The following QKI variants were observed in gnomAD, a reference collection of about 807,000 sequenced individuals.
The protein encoded by QKI is KH domain-containing RNA-binding protein QKI.
QKI carries 10 observed loss-of-function variants against 39.0 expected under a neutral mutation model. The observed-to-expected ratio is 0.26, with a 90% CI of 0.16 to 0.43. The LOEUF (loss-of-function observed/expected upper bound fraction) is 0.43. Ranked by LOEUF, QKI falls within the 20% of genes least tolerant of loss-of-function variation. The pLI is 1.00. For synonymous variants in QKI, 204 were observed against 155.4 expected (o/e 1.31, Z -2.33); for missense variants, 218 against 428.0 (o/e 0.51, Z 4.33).
intron 3 of QKI, among the ~76,000 whole-genome samples, chr6:163,520,739 G>A (rs1043489698): frequency 1.8e-4 from 28 of 152,156 alleles, no homozygotes; most frequent in African/African-American, 5.3e-4. Context: ...CCCAAAGGAA[G>A]TGAAAATAAT....
chr6:163,550,907 A>G (rs78995887), intron 4 of QKI, among the ~76,000 whole-genome samples: 2,410 of 150,568 alleles, frequency 0.016, 69 homozygotes, highest in African/African-American at 0.056. Flanking sequence ...AGATCGTGTC[A>G]CTGCACTTCT....
At chr6:163,431,653 T>TAA (rs1329976129) in intron 1 of QKI, among the ~76,000 whole-genome samples, 1 of 152,136 alleles carries the variant, frequency 6.6e-6, no homozygotes, top group Non-Finnish European at 1.5e-5. Flanking sequence ...TCTGTGAACT[T>TAA]AGATTTTAAT....
chr6:163,555,646 A>T (rs1782545027), intron 4 of QKI, among the ~76,000 whole-genome samples: 1 of 152,168 alleles, frequency 6.6e-6, no homozygotes, highest in Admixed American at 6.5e-5. Context: ...TTGTGGACAG[A>T]TGATTTTGAC....
At chr6:163,541,909 A>G (rs955191957) in intron 4 of QKI, among the ~76,000 whole-genome samples, 2 of 151,958 alleles carry the variant, frequency 1.3e-5, no homozygotes, top group Non-Finnish European at 2.9e-5. Flanking sequence ...TTATGTGGAC[A>G]TGAAAGGCGC....
At chr6:163,442,055 A>G (rs1199461306) in intron 1 of QKI, among the ~76,000 whole-genome samples, 2 of 152,208 alleles carry the variant, frequency 1.3e-5, no homozygotes, top group Non-Finnish European at 2.9e-5. Flanking sequence ...TGCCATTTTC[A>G]CCACCATTTA....
intron 7 of QKI, chr6:163,569,576 TAAGG>T: frequency 1.8e-6 from 2 of 1,128,414 alleles, no homozygotes; most frequent in Non-Finnish European, 2.2e-6. Flanking sequence ...AAAGGTTGAT[TAAGG>T]AAGGAACAAC....
chr6:163,502,611 T>C (rs1460651122), intron 3 of QKI, among the ~76,000 whole-genome samples: 1 of 152,122 alleles, frequency 6.6e-6, no homozygotes, highest in East Asian at 1.9e-4. Context: ...AAGAGAAAAA[T>C]AGTGATTGTA....
At chr6:163,539,087 G>T (rs956069145) in intron 4 of QKI, among the ~76,000 whole-genome samples, 3 of 152,164 alleles carry the variant, frequency 2.0e-5, no homozygotes, top group African/African-American at 7.2e-5. Context: ...CAAGAAATTG[G>T]ATATAAGTAT....
chr6:163,566,394 A>G (rs997220281), intron 6 of QKI: 3 of 1,221,268 alleles, frequency 2.5e-6, no homozygotes, highest in Non-Finnish European at 3.1e-6. Flanking sequence ...GTCCTGCTGC[A>G]AGAAAGGCAC....
intron 4 of QKI, among the ~76,000 whole-genome samples, chr6:163,536,044 A>G (rs890614571): frequency 6.6e-6 from 1 of 152,206 alleles, no homozygotes; most frequent in African/African-American, 2.4e-5. Context: ...CAGATAGCCT[A>G]TTCTTTATTA....
chr6:163,567,113 G>T, intron 7 of QKI: 1 of 1,029,638 alleles, frequency 9.7e-7, no homozygotes, highest in Non-Finnish European at 1.2e-6. Flanking sequence ...AATAACTTTT[G>T]CTAAAATTTA....
intron 3 of QKI, among the ~76,000 whole-genome samples, chr6:163,500,607 T>C (rs1307157896): frequency 2.0e-5 from 3 of 152,192 alleles, no homozygotes; most frequent in Non-Finnish European, 4.4e-5. Flanking sequence ...AAAAAAATTA[T>C]GTTCTTCCTA....
chr6:163,525,752 A>G (rs143709110), intron 3 of QKI, among the ~76,000 whole-genome samples: 68 of 152,324 alleles, frequency 4.5e-4, no homozygotes, highest in African/African-American at 1.6e-3. Flanking sequence ...TTTCTTCTTA[A>G]TAGGTAGTTG....
At chr6:163,517,709 A>G (rs1779919868) in intron 3 of QKI, among the ~76,000 whole-genome samples, 2 of 152,194 alleles carry the variant, frequency 1.3e-5, no homozygotes, top group African/African-American at 2.4e-5. Context: ...GGAAACATAC[A>G]AGAAATGAAA....
At chr6:163,423,283 A>C (rs1283697400) in intron 1 of QKI, 1 of 152,308 alleles carries the variant, frequency 6.6e-6, no homozygotes, top group Admixed American at 6.5e-5. Context: ...GCGAGATTCC[A>C]TCTCAAAAAC....
At chr6:163,569,583 G>A (rs768290769) in intron 7 of QKI, 21 of 1,099,154 alleles carry the variant, frequency 1.9e-5, no homozygotes, top group Non-Finnish European at 2.3e-5. Context: ...GATTAAGGAA[G>A]GAACAACTCA....
rs1783978517 is a variant in QKI, at chr6:163,576,445, TCTC to T, written c.*5736_*5738del. The T allele has an allele frequency of 1.3e-5, 2 of 152,284 alleles. No homozygotes were observed. Among genetic ancestry groups the T allele is most frequent in the African/African-American group, 4.8e-5 (2 of 41,552 alleles). 9.4% of individuals were successfully genotyped at this position (152,284 alleles called of 1,614,324 possible). On this transcript the variant is annotated 3_prime_UTR_variant, in exon 8 of 8. Transcript: ENST00000361752. ...CAAAAGACACCACATTGTGGGAAGA[TCTC>T]AGCTTCCAGGGTAAAAGTTAATTTA...
intron 3 of QKI, among the ~76,000 whole-genome samples, chr6:163,501,693 G>A (rs1778773873): frequency 6.6e-6 from 1 of 152,210 alleles, no homozygotes; most frequent in African/African-American, 2.4e-5. Context: ...TTTGAGAGAA[G>A]TTAGCATCCA....
At chr6:163,477,870 T>C (rs1190944164) in intron 2 of QKI, among the ~76,000 whole-genome samples, 1 of 152,236 alleles carries the variant, frequency 6.6e-6, no homozygotes, top group Non-Finnish European at 1.5e-5. Flanking sequence ...TATGTAATGA[T>C]ATACTAAAAG....
Sources: allele counts gnomAD v4.1 joint callset (sites outside exome capture counted in the v4.1 genomes callset), GRCh38; gene constraint gnomAD v4.1.1; transcripts MANE v1.5; gene names NCBI Gene and HGNC (gene_info 2026-07-23, HGNC 2026-07-21).